Variants in DLG2 observed in about 807,000 individuals in gnomAD.
DLG2 encodes discs large MAGUK scaffold protein 2.
Under a neutral mutation model 132.5 loss-of-function variants are expected in DLG2, and 45 were observed. That is an observed-to-expected ratio of 0.34 (90% confidence interval 0.27 to 0.44). The LOEUF (loss-of-function observed/expected upper bound fraction) is 0.44. Among genes scored for constraint, DLG2 ranks in the 20% least tolerant of loss-of-function variants. The pLI, the probability that DLG2 is intolerant of heterozygous loss-of-function variation, is 1.00. For missense variants in DLG2, 1,045 were observed against 1,196.9 expected (o/e 0.87, Z 1.87); for synonymous variants, 424 against 419.6 (o/e 1.01, Z -0.13).
At chr11:85,021,076 G>C in intron 6 of DLG2, 1 of 774,296 alleles carries the variant, frequency 1.3e-6, no homozygotes, top group South Asian at 1.3e-5. Context: ...TCCACTTTTT[G>C]TTTTATCTTG....
rs145748015 is a variant in DLG2, at chr11:83,570,216, G to C, written c.1941-28358C>G. On this transcript the variant is annotated intron_variant, in intron 19 of 27. Transcript: ENST00000376104. ...ATATGCCGATTACAAGAGTCTACTG[G>C]GGGGCATCAAAACTCTGCAACCAAA... 3.3e-3 allele frequency among the ~76,000 whole-genome samples: 509 copies of C among 152,206 alleles called. 2 individuals are homozygous for C. Among genetic ancestry groups the C allele is most frequent in the Admixed American group, 0.012 (181 of 15,286 alleles).
intron 6 of DLG2, among the ~76,000 whole-genome samples, chr11:84,797,472 G>A (rs1208522483): frequency 3.3e-5 from 5 of 152,086 alleles, no homozygotes; most frequent in African/African-American, 4.8e-5. Context: ...TCAAGCTCAC[G>A]ATTTCTTTCT....
intron 6 of DLG2, among the ~76,000 whole-genome samples, chr11:84,609,344 T>C (rs1016833672): frequency 2.0e-5 from 3 of 152,190 alleles, no homozygotes; most frequent in African/African-American, 4.8e-5. Context: ...AAAACATTAC[T>C]TGAGAAGTAG....
Position 84,838,136 on chromosome 11 carries a change from C to T in DLG2, c.357+273525G>A, listed in dbSNP as rs1031994455. On this transcript the variant is annotated intron_variant, in intron 6 of 27. Coordinates refer to ENST00000376104, the MANE Select transcript of DLG2 (RefSeq NM_001142699.3). ...AACTAAGCTCCTATTACAAATCAGA[C>T]ATCTGATATTTAATTTCTATAACCT... Among the ~76,000 whole-genome samples, 9 of 152,032 alleles carry T rather than the reference C, an allele frequency of 5.9e-5. No homozygotes were observed. In the East Asian group the frequency reaches 1.2e-3, roughly 20 times the overall value.
intron 6 of DLG2, among the ~76,000 whole-genome samples, chr11:85,022,227 CAG>C (rs2060140208): frequency 1.3e-5 from 2 of 150,634 alleles, no homozygotes; most frequent in African/African-American, 4.9e-5. Context: ...AAAATGCAAT[CAG>C]AATAAAAATA....
intron 4 of DLG2, among the ~76,000 whole-genome samples, chr11:85,242,464 T>C (rs2075933973): frequency 1.3e-5 from 2 of 151,848 alleles, no homozygotes; most frequent in South Asian, 4.1e-4. Flanking sequence ...TTACCTTTGT[T>C]ACTTTCTCAA....
At chr11:83,585,900 A>T (rs2097076526) in intron 19 of DLG2, among the ~76,000 whole-genome samples, 1 of 152,206 alleles carries the variant, frequency 6.6e-6, no homozygotes, top group African/African-American at 2.4e-5. Flanking sequence ...GGGCTTGGGA[A>T]ACCTGACAAT....
chr11:83,986,868 G>A (rs922284053), intron 11 of DLG2, among the ~76,000 whole-genome samples: 16 of 152,158 alleles, frequency 1.1e-4, no homozygotes, highest in African/African-American at 3.6e-4. Flanking sequence ...CTTTTGAGAA[G>A]TGTCTGTTCA....
At chr11:83,936,651 G>A (rs2081503869) in intron 14 of DLG2, among the ~76,000 whole-genome samples, 1 of 152,204 alleles carries the variant, frequency 6.6e-6, no homozygotes, top group South Asian at 2.1e-4. Flanking sequence ...GGCAGAGTAA[G>A]AGCTGCATCA....
At chr11:84,393,623 G>A (rs34853394) in intron 7 of DLG2, among the ~76,000 whole-genome samples, 8,468 of 152,038 alleles carry the variant, frequency 0.056, 767 homozygotes, top group African/African-American at 0.19. Flanking sequence ...GTTTAATACA[G>A]GAAGCTACAT....
chr11:84,833,444 C>G (rs1477984925), intron 6 of DLG2, among the ~76,000 whole-genome samples: 1 of 151,564 alleles, frequency 6.6e-6, no homozygotes, highest in Admixed American at 6.6e-5. Flanking sequence ...ATTTATCTCA[C>G]CCCTACAATA....
chr11:83,625,569 A>G (rs1231044799), intron 19 of DLG2, among the ~76,000 whole-genome samples: 2 of 152,162 alleles, frequency 1.3e-5, no homozygotes, highest in African/African-American at 2.4e-5. Context: ...CTAGGATGGA[A>G]TGTGTTTTCT....
chr11:83,499,435 A>C lies in DLG2; in HGVS notation c.2194-15207T>G, dbSNP rs147127256. ...TTATTTTCTTGGGATAGATTTCTAA[A>C]GGTTAAATTATTGAGTTAAAAATTA... On this transcript the variant is annotated intron_variant, in intron 21 of 27. Coordinates refer to ENST00000376104, the MANE Select transcript of DLG2 (RefSeq NM_001142699.3). Among the ~76,000 whole-genome samples the C allele has an allele frequency of 6.9e-3, 1,050 of 152,236 alleles. 17 individuals carry two copies. The highest frequency in any genetic ancestry group is 0.024 in the African/African-American group (1,017 of 41,544).
intron 19 of DLG2, among the ~76,000 whole-genome samples, chr11:83,564,609 C>T (rs1397056356): frequency 6.6e-6 from 1 of 152,194 alleles, no homozygotes; most frequent in Non-Finnish European, 1.5e-5. Flanking sequence ...ACTGAGGGAT[C>T]TAACCCTCCA....
chr11:85,458,731 C>T, intron 3 of DLG2, among the ~76,000 whole-genome samples: 1 of 152,176 alleles, frequency 6.6e-6, no homozygotes, highest in Non-Finnish European at 1.5e-5. Context: ...CAGTAGGTGG[C>T]ACTTACACAT....
chr11:85,573,591 T>C (rs1024901717), intron 3 of DLG2, among the ~76,000 whole-genome samples: 13 of 152,182 alleles, frequency 8.5e-5, no homozygotes, highest in African/African-American at 2.7e-4. Flanking sequence ...AAATCTTGAC[T>C]GTGCTTTGTG....
At chr11:84,580,774 A>AT (rs2099514497) in intron 6 of DLG2, among the ~76,000 whole-genome samples, 2 of 152,252 alleles carry the variant, frequency 1.3e-5, no homozygotes, top group Admixed American at 6.5e-5. Flanking sequence ...CCTACGCAAG[A>AT]TAAATCATTC....
intron 7 of DLG2, among the ~76,000 whole-genome samples, chr11:84,513,790 A>C (rs568898281): frequency 2.0e-5 from 3 of 151,738 alleles, no homozygotes; most frequent in African/African-American, 7.3e-5. Flanking sequence ...AAAAAAAAAA[A>C]TCTTGAATAA....
At chr11:84,197,286 T>A (rs2096534489) in intron 8 of DLG2, among the ~76,000 whole-genome samples, 1 of 152,146 alleles carries the variant, frequency 6.6e-6, no homozygotes, top group South Asian at 2.1e-4. Flanking sequence ...TCTTACATTA[T>A]GCCATTTTTG....
Sources: allele counts gnomAD v4.1 joint callset (sites outside exome capture counted in the v4.1 genomes callset), GRCh38; gene constraint gnomAD v4.1.1; transcripts MANE v1.5; gene names NCBI Gene and HGNC (gene_info 2026-07-23, HGNC 2026-07-21).